Variants in CDKL5 observed in about 807,000 individuals in gnomAD.
CDKL5 encodes the protein cyclin dependent kinase like 5, also known as cyclin-dependent kinase-like 5.
In CDKL5, 8 loss-of-function variants were observed where a neutral mutation model predicts 61.7. That is an observed-to-expected ratio of 0.13 (90% CI 0.08 to 0.23). The LOEUF (loss-of-function observed/expected upper bound fraction) is 0.23. CDKL5 is among the 10% of genes least tolerant of loss of function. The pLI is 1.00. For missense variants in CDKL5, 440 were observed against 734.5 expected (o/e 0.60, Z 4.63); for synonymous variants, 275 against 272.3 (o/e 1.01, Z -0.10).
rs541136963 is a variant in CDKL5 at position 18,555,003 on chromosome X, G to A, written c.100-9474G>A. On this transcript the variant is annotated intron_variant, in intron 3 of 17. Coordinates refer to ENST00000623535, the MANE Select transcript of CDKL5 (RefSeq NM_001323289.2). ...TGTGCATAACGCGTAGGTTTGTTAC[G>A]TAGGTATACACGTGCCATGGCATTC... Among the ~76,000 whole-genome samples, 483 of 111,047 alleles carry A rather than the reference G, an allele frequency of 4.3e-3. 2 individuals are homozygous for A. The highest frequency in any genetic ancestry group is 0.041 in the Middle Eastern group (9 of 217).
chrX:18,627,132 C>T (rs192475325), intron 17 of CDKL5: 75 of 111,094 alleles, frequency 6.8e-4, no homozygotes, highest in African/African-American at 2.5e-3. Flanking sequence ...GTACAGTGTG[C>T]TCTGCTACTT....
chrX:18,615,555 CTGTGGG>C (rs1447073803), intron 15 of CDKL5, among the ~76,000 whole-genome samples: 4 of 111,486 alleles, frequency 3.6e-5, no homozygotes, highest in African/African-American at 1.3e-4. Flanking sequence ...GTAGCCCAGA[CTGTGGG>C]TACATGCCAC....
intron 2 of CDKL5, among the ~76,000 whole-genome samples, chrX:18,507,563 C>T (rs1922631201): frequency 9.6e-6 from 1 of 103,734 alleles, no homozygotes; most frequent in South Asian, 4.4e-4. Flanking sequence ...TTCATTCATT[C>T]ATTCATTCAT....
rs920254998 is a variant in CDKL5, at chrX:18,647,196, G to A, written c.2797+1106G>A. 1.7e-6 allele frequency: 2 copies of A among 1,210,961 alleles called. No homozygotes were observed. The highest frequency in any genetic ancestry group is 1.8e-5 in the South Asian group (1 of 56,934). On this transcript the variant is annotated intron_variant, in intron 20 of 21. Transcript: ENST00000379989. ...AATCCCCGGGCCCTGCTTACCCAAA[G>A]CCTTGACTGTTGAGCCGGGCCTTGT...
Position 18,634,683 on chromosome X carries a change from A to C in CDKL5, c.*5926A>C. On this transcript the variant is annotated 3_prime_UTR_variant, in exon 18 of 18. Transcript: ENST00000623535. ...ACCGATCGAGTCAGGCTAGAGGGGT[A>C]ATACGGTGATTAAAAGAAGTAAATT... The C allele has an allele frequency of 1.3e-6, 1 of 753,183 alleles. No individual in the cohort carries two copies. Among genetic ancestry groups the C allele is most frequent in the Non-Finnish European group, 1.6e-6 (1 of 638,739 alleles). 62.1% of individuals were successfully genotyped at this position (753,183 alleles called of 1,213,427 possible).
chrX:18,653,368 A>G, intron 21 of CDKL5: 1 of 1,191,376 alleles, frequency 8.4e-7, no homozygotes, highest in Non-Finnish European at 1.1e-6. Context: ...GGCATTAGCC[A>G]GAGTGCACCT....
At chrX:18,643,998 G>C (rs931363150), downstream of CDKL5, among the ~76,000 whole-genome samples, 1 of 110,990 alleles carries the variant, frequency 9.0e-6, no homozygotes, top group Non-Finnish European at 1.9e-5. Context: ...TGGGTAACTT[G>C]CTAGGTTCTC....
intron 10 of CDKL5, 131 bp downstream of exon 10, chrX:18,595,559 A>C (rs1300915097): frequency 4.1e-6 from 2 of 488,322 alleles, no homozygotes; most frequent in Non-Finnish European, 7.4e-6. Flanking sequence ...ATGGGGAACT[A>C]TGTCATATTA....
At position 18,647,552 on chromosome X, in the gene CDKL5, CA is replaced by C. The variant is rs770773891; in HGVS notation, c.2797+1464del. 4.6e-3 allele frequency: 1,913 copies of C among 417,119 alleles called. 6 individuals are homozygous for C. The highest frequency in any genetic ancestry group is 0.018 in the Middle Eastern group (28 of 1,520). The allele number at this position is 417,119 out of a possible 1,213,427, so 34.4% of individuals were successfully genotyped here. On this transcript the variant is annotated intron_variant, in intron 20 of 21. Coordinates refer to the CDKL5 transcript ENST00000379989. ...AAGTAAAGGAATTGCCATAGAGACT[CA>C]ACAGCCTTTGTAAAAGCAGAGGGAA...
intron 1 of CDKL5, among the ~76,000 whole-genome samples, chrX:18,483,167 T>A (rs1005672772): frequency 8.9e-6 from 1 of 111,740 alleles, no homozygotes; most frequent in Admixed American, 9.6e-5. Flanking sequence ...TTAGTAATAA[T>A]CTCTATTATG....
rs187608624 is a variant in CDKL5 at position 18,558,783 on chromosome X, C to T, written c.100-5694C>T. On this transcript the variant is annotated intron_variant, in intron 3 of 17. Coordinates refer to ENST00000623535, the MANE Select transcript of CDKL5 (RefSeq NM_001323289.2). Reference sequence around the variant, plus strand: ...TGCTAGAGCTGGAGTTCTCACTCCCCTACTAGCCTGCATTAACATCTGCAT... The same window carrying T: ...TGCTAGAGCTGGAGTTCTCACTCCCTTACTAGCCTGCATTAACATCTGCAT... Among the ~76,000 whole-genome samples, 4 of 112,317 alleles carry T rather than the reference C, an allele frequency of 3.6e-5. No homozygotes were observed. In the East Asian group the frequency reaches 1.1e-3, roughly 31 times the overall value.
intron 3 of CDKL5, among the ~76,000 whole-genome samples, chrX:18,520,612 G>A (rs1923209390): frequency 8.9e-6 from 1 of 112,083 alleles, no homozygotes; most frequent in African/African-American, 3.2e-5. Flanking sequence ...CCAAAGTAGA[G>A]TGGAAATGCC....
intron 4 of CDKL5, among the ~76,000 whole-genome samples, chrX:18,574,092 T>C (rs1189934610): frequency 9.9e-5 from 11 of 111,552 alleles, no homozygotes; most frequent in African/African-American, 3.6e-4. Flanking sequence ...TTTTCCTCCT[T>C]CTCACACTGA....
intron 1 of CDKL5, among the ~76,000 whole-genome samples, chrX:18,488,488 A>ATAC (rs1292145414): frequency 2.7e-5 from 3 of 111,670 alleles, no homozygotes; most frequent in Non-Finnish European, 5.6e-5. Context: ...AACCTCCTAG[A>ATAC]TAGCTTCTGA....
intron 1 of CDKL5, among the ~76,000 whole-genome samples, chrX:18,467,065 AAC>A (rs756079101): frequency 6.4e-4 from 72 of 111,797 alleles, no homozygotes; most frequent in Non-Finnish European, 1.1e-3. Context: ...TGACAGTAAT[AAC>A]AGAGGCATAC....
intron 21 of CDKL5, chrX:18,653,294 A>G: frequency 9.0e-7 from 1 of 1,109,731 alleles, no homozygotes; most frequent in East Asian, 3.3e-5. Flanking sequence ...AGTATTTTTA[A>G]TAGCATTAAA....
At chrX:18,578,408 G>C (rs187508798) in intron 5 of CDKL5, among the ~76,000 whole-genome samples, 15 of 111,945 alleles carry the variant, frequency 1.3e-4, no homozygotes, top group African/African-American at 3.6e-4. Flanking sequence ...CAACTTGACT[G>C]GTGGGAACAA....
Position 18,632,694 on chromosome X carries a change from G to A in CDKL5, c.*3937G>A. On this transcript the variant is annotated 3_prime_UTR_variant, in exon 18 of 18. Transcript: ENST00000623535. ...TTCTAAGCTCAGAGCTATGCTGTCA[G>A]TCTCTAGTCACGCCATGTATTATAA... The A allele has an allele frequency of 1.3e-6, 1 of 753,792 alleles. No homozygotes were observed. Among genetic ancestry groups the A allele is most frequent in the South Asian group, 6.7e-5 (1 of 14,854 alleles). 62.1% of individuals were successfully genotyped at this position (753,792 alleles called of 1,213,427 possible).
chrX:18,615,167 G>A (rs552251938), intron 15 of CDKL5, among the ~76,000 whole-genome samples: 2 of 111,819 alleles, frequency 1.8e-5, no homozygotes, highest in East Asian at 5.6e-4. Context: ...TTCCAGAATT[G>A]CCAGTGATGA....
Sources: allele counts gnomAD v4.1 joint callset (sites outside exome capture counted in the v4.1 genomes callset), GRCh38; gene constraint gnomAD v4.1.1; transcripts MANE v1.5; gene names NCBI Gene and HGNC (gene_info 2026-07-23, HGNC 2026-07-21).